Variants in CYBB observed in about 807,000 individuals in gnomAD.
CYBB encodes the protein NADPH oxidase 2.
A neutral mutation model predicts 46.5 loss-of-function variants in CYBB; 5 were observed. That is an observed-to-expected ratio of 0.11 (90% CI 0.06 to 0.23). The LOEUF is 0.23. CYBB is among the 10% of genes least tolerant of loss of function. CYBB has a pLI of 1.00. For missense variants in CYBB, 307 were observed against 428.3 expected, an observed-to-expected ratio of 0.72 and a Z score of 2.50; for synonymous variants, 183 against 156.7, an observed-to-expected ratio of 1.17 and a Z score of -1.26.
At chrX:37,795,886 GCACA>G (rs1929290156) in intron 5 of CYBB, 61 bp from the exon 6 acceptor site, 4 of 803,622 alleles carry the variant, frequency 5.0e-6, no homozygotes, top group Non-Finnish European at 3.7e-6. Context: ...TTGTGCTTGC[GCACA>G]TGTGTGTGTG....
At chrX:37,807,749 T>C (rs1341484759) in intron 11 of CYBB, among the ~76,000 whole-genome samples, 3 of 111,559 alleles carry the variant, frequency 2.7e-5, no homozygotes, top group African/African-American at 9.8e-5. Context: ...TATGTGTGTG[T>C]ACAATGAGAG....
At position 37,783,498 on chromosome X, in the gene CYBB, G is replaced by A; in HGVS notation, c.150G>A (p.Leu50=). 11 of 1,201,383 alleles carry A rather than the reference G, an allele frequency of 9.2e-6. No homozygotes were observed. The highest frequency in any genetic ancestry group is 1.2e-5 in the Non-Finnish European group (11 of 886,231). Residue 50 remains leucine (L), a synonymous_variant, in exon 3 of 13, where the codon CTG becomes CTA. Transcript: ENST00000378588. ...FYTRKLLGSA[L]ALARAPAACL... ...TTTCCCGCCTCTTCTAGTCAGCACT[G>A]GCACTGGCCAGGGCCCCTGCAGCCT...
At chrX:37,781,179 C>G (rs1556464436) in intron 1 of CYBB, among the ~76,000 whole-genome samples, 1 of 112,387 alleles carries the variant, frequency 8.9e-6, no homozygotes, top group Non-Finnish European at 1.9e-5. Flanking sequence ...TTTTTAAGGG[C>G]AAATAATTTC....
intron 8 of CYBB, among the ~76,000 whole-genome samples, chrX:37,801,800 G>C (rs2056565633): frequency 9.0e-6 from 1 of 110,758 alleles, no homozygotes; most frequent in African/African-American, 3.3e-5. Flanking sequence ...CTGAGGCTGA[G>C]CTAGTTTTTC....
At chrX:37,800,000 A>G (rs73632407) in intron 7 of CYBB, among the ~76,000 whole-genome samples, 4,553 of 111,112 alleles carry the variant, frequency 0.041, 234 homozygotes, top group African/African-American at 0.14. Context: ...ACAGCATACT[A>G]TATGAAGACG....
chrX:37,802,118 T>A (rs1008704448), intron 8 of CYBB, among the ~76,000 whole-genome samples: 1 of 112,192 alleles, frequency 8.9e-6, no homozygotes, highest in Non-Finnish European at 1.9e-5. Context: ...AACCCTACTG[T>A]GGGTTATTTT....
chrX:37,810,641 G>A (rs1369327798), intron 12 of CYBB, 150 bp from the exon 13 acceptor site: 1 of 534,683 alleles, frequency 1.9e-6, no homozygotes, highest in African/African-American at 2.3e-5. Flanking sequence ...CTCCCTCTGA[G>A]CAATATGATC....
At position 37,804,992 on chromosome X, in the gene CYBB, C is replaced by G; in HGVS notation, c.1152-14C>G. ...AGACATCTCTGTAACTATCTCCTCC[C>G]CATTTCCCTTCAGGATAGCGGTTGA... is the stretch of plus-strand genomic sequence containing the variant. On this transcript the variant is annotated splice_polypyrimidine_tract_variant and intron_variant, in intron 9 of 12. Coordinates refer to ENST00000378588, the MANE Select transcript of CYBB (RefSeq NM_000397.4). 8.3e-7 allele frequency: 1 copy of G among 1,209,722 alleles called. No individual in the cohort carries two copies.
intron 8 of CYBB, among the ~76,000 whole-genome samples, chrX:37,803,392 C>G (rs1569479889): frequency 9.0e-6 from 1 of 110,886 alleles, no homozygotes; most frequent in Non-Finnish European, 1.9e-5. Context: ...TTTTTTAGCA[C>G]TTTTTTGACT....
chrX:37,790,768 C>A lies in CYBB; in HGVS notation c.253-1207C>A, dbSNP rs73472182. Among the ~76,000 whole-genome samples, 718 of 111,106 alleles carry A rather than the reference C, an allele frequency of 6.5e-3. 4 individuals carry two copies. The highest frequency in any genetic ancestry group is 0.023 in the African/African-American group (694 of 30,608). On this transcript the variant is annotated intron_variant, in intron 3 of 12. Transcript: ENST00000378588. ...TAAGTAAGCCAAATATTAAACACCC[C>A]TATATTTAAATTGAATAAAACATTT...
In CYBB at chrX:37,782,258, T is replaced by A. The variant is rs1363032954; in HGVS notation, c.141+75T>A. On this transcript the variant is annotated intron_variant, in intron 2 of 12. Coordinates refer to ENST00000378588, the MANE Select transcript of CYBB (RefSeq NM_000397.4). ...TCAGACATTCTTGTTCATCTTCCTGTTAGCATTTTAAATACATATTCTGAC... is the reference window on the plus strand; with the variant it reads ...TCAGACATTCTTGTTCATCTTCCTGATAGCATTTTAAATACATATTCTGAC... 20 of 729,113 alleles carry A rather than the reference T, an allele frequency of 2.7e-5. No individual in the cohort carries two copies. In the Admixed American group the frequency reaches 3.7e-4, roughly 14 times the overall value. The allele number at this position is 729,113 out of a possible 1,213,427, so 60.1% of individuals were successfully genotyped here. A position where few individuals can be genotyped will look rare whatever the true frequency, so the allele number is the denominator to read the frequency against.
At chrX:37,787,104 G>C (rs1383317206) in intron 3 of CYBB, among the ~76,000 whole-genome samples, 1 of 111,834 alleles carries the variant, frequency 8.9e-6, no homozygotes, top group Non-Finnish European at 1.9e-5. Context: ...ATGAGCTTAA[G>C]GAGCTTAGAG....
intron 12 of CYBB, among the ~76,000 whole-genome samples, chrX:37,810,492 TAGC>T (rs1556472982): frequency 8.9e-6 from 1 of 112,202 alleles, no homozygotes; most frequent in Non-Finnish European, 1.9e-5. Context: ...TGAAGGAAAG[TAGC>T]CCACGGACTC....
chrX:37,791,444 A>C (rs1231854190), intron 3 of CYBB, among the ~76,000 whole-genome samples: 1 of 111,848 alleles, frequency 8.9e-6, no homozygotes, highest in African/African-American at 3.2e-5. Flanking sequence ...GCATTTGGTC[A>C]ATGATCTCCC....
chrX:37,781,220 GC>G (rs1287635648), intron 1 of CYBB, among the ~76,000 whole-genome samples: 1 of 112,242 alleles, frequency 8.9e-6, no homozygotes, highest in Non-Finnish European at 1.9e-5. Flanking sequence ...TAAACTTTTA[GC>G]TCTCGCCACA....
At position 37,795,901 on chromosome X, in the gene CYBB, T is replaced by C. The variant is rs781977110; in HGVS notation, c.484-50T>C. 15 of 623,661 alleles carry C rather than the reference T, an allele frequency of 2.4e-5. No homozygotes were observed. The Admixed American group carries it at 3.6e-4, about 15-fold the overall frequency. The allele number at this position is 623,661 out of a possible 1,213,427, so 51.4% of individuals were successfully genotyped here. A position where few individuals can be genotyped will look rare whatever the true frequency, so the allele number is the denominator to read the frequency against. ...TTGTGCTTGCGCACATGTGTGTGTG[T>C]GTGTGTGTGTGTGTGTGTGTGTGTG... On this transcript the variant is annotated intron_variant, in intron 5 of 12. Coordinates refer to ENST00000378588, the MANE Select transcript of CYBB (RefSeq NM_000397.4).
At chrX:37,781,116 A>G (rs1556464428) in intron 1 of CYBB, among the ~76,000 whole-genome samples, 1 of 112,766 alleles carries the variant, frequency 8.9e-6, no homozygotes, top group Non-Finnish European at 1.9e-5. Flanking sequence ...ATTCTACTGC[A>G]ACAGAGAATT....
intron 9 of CYBB, among the ~76,000 whole-genome samples, chrX:37,804,354 A>C (rs1929508428): frequency 8.9e-6 from 1 of 111,919 alleles, no homozygotes; most frequent in Non-Finnish European, 1.9e-5. Context: ...TTAGAAATAA[A>C]TACTCCCAAA....
In CYBB at chrX:37,801,264, A is replaced by G; in HGVS notation, c.813A>G (p.Lys271=). ...TTTTGCTCTGATTACAGACTTGGAA[A>G]TGGATAGTGGGTCCCATGTTTCTGT... ...QFAGNPPMTW[K]WIVGPMFLYL... is the part of the protein sequence containing the mutation. Residue 271 remains lysine, a synonymous_variant, in exon 8 of 13, where the codon AAA becomes AAG. Transcript: ENST00000378588. 4 of 1,203,013 alleles carry G rather than the reference A, an allele frequency of 3.3e-6. No individual in the cohort carries two copies. The highest frequency in any genetic ancestry group is 4.5e-6 in the Non-Finnish European group (4 of 887,796).
Sources: allele counts gnomAD v4.1 joint callset (sites outside exome capture counted in the v4.1 genomes callset), GRCh38; gene constraint gnomAD v4.1.1; transcripts MANE v1.5; gene names NCBI Gene and HGNC (gene_info 2026-07-23, HGNC 2026-07-21).